Variants in SLC7A11 observed in about 807,000 individuals in gnomAD.
The protein encoded by SLC7A11 is solute carrier family 7 member 11.
Under a neutral mutation model 54.5 loss-of-function variants are expected in SLC7A11, and 35 were observed. The ratio of observed to expected loss-of-function variants is 0.64; its 90% CI spans 0.49 to 0.85. SLC7A11 has a LOEUF of 0.85. Ranked by LOEUF, SLC7A11 falls within the 40% of genes least tolerant of loss-of-function variation. SLC7A11 has a pLI of 0.00. For missense variants in SLC7A11, 583 were observed against 618.1 expected (o/e 0.94, Z 0.60); for synonymous variants, 230 against 225.2 (o/e 1.02, Z -0.19).
intron 6 of SLC7A11, among the ~76,000 whole-genome samples, chr4:138,190,191 C>A (rs1267984310): frequency 6.6e-6 from 1 of 151,926 alleles, no homozygotes; most frequent in Admixed American, 6.6e-5. Flanking sequence ...TGATGCTTCA[C>A]ATTTCTATTT....
intron 3 of SLC7A11, among the ~76,000 whole-genome samples, chr4:138,223,849 T>C (rs538556035): frequency 4.1e-4 from 62 of 152,294 alleles, no homozygotes; most frequent in African/African-American, 1.5e-3. Context: ...TTGTCTTCTT[T>C]CTAATTAGCA....
Position 138,223,297 on chromosome 4 carries a change from C to G in SLC7A11, c.548G>C (p.Ser183Thr). Residue 183 changes from serine to threonine, a missense_variant, in exon 4 of 12, where the codon AGT becomes ACT. By Grantham distance (58) the Ser-to-Thr change is moderately conservative (BLOSUM62 1). Coordinates refer to ENST00000280612, the MANE Select transcript of SLC7A11 (RefSeq NM_014331.4). ...CTGGATCCGGGCGCTCCAGCTGACA[C>G]TCATGCTATTTAGGACCATCACTAC... ...ITVVMVLNSM[S>T]VSWSARIQIF... 1.2e-6 allele frequency: 2 copies of G among 1,613,632 alleles called. No individual in the cohort carries two copies. The highest frequency in any genetic ancestry group is 1.7e-6 in the Non-Finnish European group (2 of 1,179,596).
intron 6 of SLC7A11, among the ~76,000 whole-genome samples, chr4:138,208,113 T>G (rs763233503): frequency 5.3e-5 from 8 of 152,100 alleles, no homozygotes; most frequent in Non-Finnish European, 1.2e-4. Context: ...TGGTACAAGG[T>G]GTGATGACTT....
intron 6 of SLC7A11, among the ~76,000 whole-genome samples, chr4:138,202,746 C>T (rs1230406140): frequency 6.6e-6 from 1 of 152,038 alleles, no homozygotes; most frequent in Non-Finnish European, 1.5e-5. Flanking sequence ...CCCAGAGGCT[C>T]AGAGAGGACA....
chr4:138,212,945 A>T (rs559474296), intron 6 of SLC7A11, among the ~76,000 whole-genome samples: 1 of 152,108 alleles, frequency 6.6e-6, no homozygotes, highest in Admixed American at 6.6e-5. Context: ...CTTAACATAC[A>T]TAGTTACGAA....
In SLC7A11 at chr4:138,182,526, T is replaced by A. The variant is rs1025332184; in HGVS notation, c.1020-133A>T. The A allele has an allele frequency of 4.9e-6, 3 of 606,244 alleles. No individual in the cohort carries two copies. In the African/African-American group the frequency reaches 5.6e-5, roughly 11 times the overall value. 37.6% of individuals were successfully genotyped at this position (606,244 alleles called of 1,614,324 possible). On this transcript the variant is annotated intron_variant, in intron 8 of 11. Coordinates refer to ENST00000280612, the MANE Select transcript of SLC7A11 (RefSeq NM_014331.4). Reference sequence around the variant, plus strand: ...GTATTCCTTAGGTGATTGCCTAAGTTCACTTTTCAAATAAGGTGGAGAAAT... The same window carrying A: ...GTATTCCTTAGGTGATTGCCTAAGTACACTTTTCAAATAAGGTGGAGAAAT...
At chr4:138,174,189 A>AC (rs2148406992) in intron 11 of SLC7A11, among the ~76,000 whole-genome samples, 2 of 152,112 alleles carry the variant, frequency 1.3e-5, no homozygotes, top group South Asian at 4.1e-4. Context: ...ATATTCAGGG[A>AC]CCCCCAGATG....
intron 4 of SLC7A11, among the ~76,000 whole-genome samples, chr4:138,221,798 C>T (rs989784066): frequency 1.8e-4 from 28 of 151,898 alleles, no homozygotes; most frequent in African/African-American, 6.1e-4. Context: ...TTACATTACA[C>T]CAAAAAGAAG....
At chr4:138,223,438 A>C in intron 3 of SLC7A11, 114 bp from the exon 4 acceptor site, 1 of 1,123,842 alleles carries the variant, frequency 8.9e-7, no homozygotes, top group Non-Finnish European at 1.3e-6. Context: ...CATTACTTAG[A>C]AGTGTTTTAG....
In SLC7A11 at chr4:138,185,095, T is replaced by C. The variant is rs139000715; in HGVS notation, c.915+26A>G. On this transcript the variant is annotated intron_variant, in intron 7 of 11. Transcript: ENST00000280612. ...ATCAGCTCATTAACCTAAATTCCAATTGGCATTTTCCCAACTTGGACTTAC... is the reference window on the plus strand; with the variant it reads ...ATCAGCTCATTAACCTAAATTCCAACTGGCATTTTCCCAACTTGGACTTAC... 4.4e-3 allele frequency: 7,126 copies of C among 1,611,548 alleles called. 250 individuals are homozygous for C. In the South Asian group the frequency reaches 0.06, roughly 14 times the overall value.
chr4:138,236,983 C>CTTTTT lies in SLC7A11; in HGVS notation c.278-537_278-533dup, dbSNP rs34896335. On this transcript the variant is annotated intron_variant, in intron 1 of 11. Transcript: ENST00000280612. Reference sequence around the variant, plus strand: ...ATGGACTCTCTGACTTGCAAGATTTCTTTTTTTTTTTTTTTTTTTTGAGAC... The same window carrying CTTTTT: ...ATGGACTCTCTGACTTGCAAGATTTCTTTTTTTTTTTTTTTTTTTTTTTTTGAGAC... Among the ~76,000 whole-genome samples the CTTTTT allele has an allele frequency of 7.4e-4, 83 of 111,910 alleles. 1 individual carries two copies. Among genetic ancestry groups the CTTTTT allele is most frequent in the Admixed American group, 1.4e-3 (12 of 8,798 alleles). The allele number at this position is 111,910 out of a possible 152,430, so 73.4% of individuals were successfully genotyped here.
intron 2 of SLC7A11, among the ~76,000 whole-genome samples, chr4:138,236,000 A>T (rs901111013): frequency 2.0e-5 from 3 of 152,228 alleles, no homozygotes; most frequent in Non-Finnish European, 4.4e-5. Context: ...GTTGGTCAAA[A>T]GGTATCCAGG....
intron 5 of SLC7A11, among the ~76,000 whole-genome samples, chr4:138,218,878 T>C (rs969331921): frequency 6.6e-6 from 1 of 152,176 alleles, no homozygotes; most frequent in African/African-American, 2.4e-5. Context: ...TTAATCACTA[T>C]TTGTAAACAC....
At chr4:138,227,113 G>A (rs1737964037) in intron 3 of SLC7A11, among the ~76,000 whole-genome samples, 1 of 152,194 alleles carries the variant, frequency 6.6e-6, no homozygotes, top group Non-Finnish European at 1.5e-5. Context: ...TCTGCACTAT[G>A]TAATTCAAGT....
chr4:138,235,448 G>C (rs1299534299), intron 2 of SLC7A11, among the ~76,000 whole-genome samples: 1 of 151,542 alleles, frequency 6.6e-6, no homozygotes, highest in Non-Finnish European at 1.5e-5. Flanking sequence ...CTCATGATTA[G>C]TGTTGTCAAT....
intron 2 of SLC7A11, among the ~76,000 whole-genome samples, chr4:138,235,185 C>T (rs547912419): frequency 3.3e-5 from 5 of 151,814 alleles, no homozygotes; most frequent in Non-Finnish European, 7.4e-5. Context: ...TTAGAATAAA[C>T]AGGAAATTAA....
At chr4:138,232,112 C>A (rs1177362904) in intron 3 of SLC7A11, among the ~76,000 whole-genome samples, 155 bp downstream of exon 3, 1 of 152,188 alleles carries the variant, frequency 6.6e-6, no homozygotes, top group Non-Finnish European at 1.5e-5. Context: ...AGTATTGGAT[C>A]CCACTCCAAA....
At chr4:138,183,743 T>A (rs1736806924) in intron 7 of SLC7A11, among the ~76,000 whole-genome samples, 1 of 152,176 alleles carries the variant, frequency 6.6e-6, no homozygotes, top group African/African-American at 2.4e-5. Context: ...GTGTTTCATA[T>A]GCCAATCCCA....
At chr4:138,231,659 A>T (rs910194305) in intron 3 of SLC7A11, among the ~76,000 whole-genome samples, 1 of 152,124 alleles carries the variant, frequency 6.6e-6, no homozygotes, top group African/African-American at 2.4e-5. Context: ...AATTTTGTAC[A>T]TGTTCTTCTT....
Sources: gnomAD v4.1 joint callset for allele counts (sites outside exome capture counted in the v4.1 genomes callset) on GRCh38, gnomAD v4.1.1 for gene constraint, MANE v1.5 for transcripts, NCBI Gene and HGNC (gene_info 2026-07-23, HGNC 2026-07-21) for gene names.